The following ABCB1 variants were observed in gnomAD, a reference collection of about 807,000 sequenced individuals.
ABCB1 encodes the protein ATP-dependent translocase ABCB1.
ABCB1 carries 69 observed loss-of-function variants against 142.0 expected under a neutral mutation model. The ratio of observed to expected loss-of-function variants is 0.49; its 90% CI spans 0.40 to 0.59. The LOEUF is 0.59. ABCB1 is among the 20% of genes least tolerant of loss of function. ABCB1 has a pLI of 0.00. For missense variants in ABCB1, 1,326 were observed against 1,554.7 expected, an observed-to-expected ratio of 0.85 and a Z score of 2.47; for synonymous variants, 532 against 539.2, an observed-to-expected ratio of 0.99 and a Z score of 0.18.
intron 21 of ABCB1, among the ~76,000 whole-genome samples, chr7:87,522,563 CAT>C (rs1416223058): frequency 2.0e-5 from 3 of 152,156 alleles, no homozygotes; most frequent in Non-Finnish European, 4.4e-5. Flanking sequence ...GACAAATACT[CAT>C]GTGTATGGGT....
intron 21 of ABCB1, among the ~76,000 whole-genome samples, chr7:87,523,985 C>T (rs1312808908): frequency 6.6e-6 from 1 of 152,138 alleles, no homozygotes; most frequent in African/African-American, 2.4e-5. Flanking sequence ...CTGGTCAGAA[C>T]AGATTCTAAT....
intron 15 of ABCB1, 110 bp from the exon 16 acceptor site, chr7:87,545,109 C>A: frequency 1.1e-6 from 1 of 941,992 alleles, no homozygotes; most frequent in Non-Finnish European, 1.7e-6. Flanking sequence ...TTAGTAACTG[C>A]AGAAAAGGAT....
intron 1 of ABCB1, among the ~76,000 whole-genome samples, chr7:87,625,642 A>G (rs888412417): frequency 6.6e-6 from 1 of 152,188 alleles, no homozygotes; most frequent in Non-Finnish European, 1.5e-5. Flanking sequence ...GACTGCCTGC[A>G]TAACCAGTGC....
chr7:87,658,881 G>A (rs983555211), intron 1 of ABCB1, among the ~76,000 whole-genome samples: 3 of 152,162 alleles, frequency 2.0e-5, no homozygotes, highest in Non-Finnish European at 4.4e-5. Flanking sequence ...TAAGCAGAAA[G>A]GAAATGATAA....
At chr7:87,640,220 A>G (rs1288261360) in intron 1 of ABCB1, among the ~76,000 whole-genome samples, 1 of 150,042 alleles carries the variant, frequency 6.7e-6, no homozygotes, top group African/African-American at 2.4e-5. Context: ...TAAATCTTAC[A>G]TTATTTTATT....
At chr7:87,584,954 C>T (rs558546778) in intron 4 of ABCB1, among the ~76,000 whole-genome samples, 84 of 151,500 alleles carry the variant, frequency 5.5e-4, no homozygotes, top group African/African-American at 2.0e-3. Flanking sequence ...CTAAAATACC[C>T]CCCCACACAC....
chr7:87,520,003 C>T (rs141652872), intron 22 of ABCB1, among the ~76,000 whole-genome samples: 10 of 152,090 alleles, frequency 6.6e-5, no homozygotes, highest in East Asian at 1.9e-4. Context: ...CTAAATTCTT[C>T]GGGGGTCTCA....
intron 1 of ABCB1, chr7:87,627,512 A>G (rs1453557443): frequency 1.3e-5 from 2 of 152,216 alleles, no homozygotes; most frequent in African/African-American, 4.8e-5. Flanking sequence ...TTAGGATTGC[A>G]CTCTAAAATC....
At chr7:87,660,417 T>C (rs548008023) in intron 1 of ABCB1, among the ~76,000 whole-genome samples, 47 of 152,260 alleles carry the variant, frequency 3.1e-4, no homozygotes, top group Admixed American at 2.6e-4. Flanking sequence ...TTTCCTTTAA[T>C]GTGACACTTA....
At chr7:87,619,673 T>G (rs993379442) in intron 1 of ABCB1, among the ~76,000 whole-genome samples, 1 of 152,104 alleles carries the variant, frequency 6.6e-6, no homozygotes, top group African/African-American at 2.4e-5. Flanking sequence ...ATTGCTGCTG[T>G]CCAATTTTTG....
intron 4 of ABCB1, among the ~76,000 whole-genome samples, chr7:87,575,239 A>G (rs1311518706): frequency 2.0e-5 from 3 of 152,276 alleles, no homozygotes; most frequent in South Asian, 4.1e-4. Context: ...AATAAAAAAT[A>G]TATAACATGG....
intron 1 of ABCB1, among the ~76,000 whole-genome samples, chr7:87,627,364 GA>G (rs1431460059): frequency 6.6e-6 from 1 of 152,196 alleles, no homozygotes; most frequent in Admixed American, 6.5e-5. Context: ...AAGATACATG[GA>G]TTTTGGAGCC....
chr7:87,554,411 T>G (rs1374062278), intron 8 of ABCB1, among the ~76,000 whole-genome samples: 1 of 152,122 alleles, frequency 6.6e-6, no homozygotes, highest in Non-Finnish European at 1.5e-5. Flanking sequence ...CTCTCTGTCC[T>G]GCCTTCCTCT....
chr7:87,685,174 T>C (rs1827334275), intron 1 of ABCB1, among the ~76,000 whole-genome samples: 1 of 152,138 alleles, frequency 6.6e-6, no homozygotes, highest in Non-Finnish European at 1.5e-5. Flanking sequence ...AAAAAATATT[T>C]GCAAATCACA....
At chr7:87,582,991 T>A (rs1206571476) in intron 4 of ABCB1, among the ~76,000 whole-genome samples, 1 of 152,220 alleles carries the variant, frequency 6.6e-6, no homozygotes, top group Non-Finnish European at 1.5e-5. Context: ...TCACATCATA[T>A]AATAGGTACT....
chr7:87,585,235 T>A (rs1176284646), intron 4 of ABCB1, among the ~76,000 whole-genome samples: 3 of 152,190 alleles, frequency 2.0e-5, no homozygotes, highest in Non-Finnish European at 4.4e-5. Flanking sequence ...TCTAATTAAG[T>A]TCCTATATTT....
chr7:87,560,396 A>G (rs1817509748), intron 8 of ABCB1, among the ~76,000 whole-genome samples: 1 of 152,172 alleles, frequency 6.6e-6, no homozygotes, highest in Non-Finnish European at 1.5e-5. Context: ...TGCAATGAAT[A>G]CTCATGTAAG....
Position 87,544,288 on chromosome 7 carries a change from A to G in ABCB1, c.2065-13T>C, listed in dbSNP as rs765287452. ...GTATACTTTCATCCTAGAAAACACAAATTATTACAACAGGCTAGTTAAAAA... is the reference window on the plus strand; with the variant it reads ...GTATACTTTCATCCTAGAAAACACAGATTATTACAACAGGCTAGTTAAAAA... On this transcript the variant is annotated splice_polypyrimidine_tract_variant and intron_variant, in intron 16 of 27. Transcript: ENST00000622132. 5.0e-6 allele frequency: 8 copies of G among 1,612,098 alleles called. No homozygotes were observed. In the Admixed American group the frequency reaches 6.7e-5, roughly 13 times the overall value.
At position 87,558,873 on chromosome 7, in the gene ABCB1, A is replaced by G. The variant is rs143455988; in HGVS notation, c.827+2390T>C. Among the ~76,000 whole-genome samples, 1,051 of 152,212 alleles carry G rather than the reference A, an allele frequency of 6.9e-3. 4 individuals are homozygous for G. Among genetic ancestry groups the G allele is most frequent in the Non-Finnish European group, 0.011 (748 of 67,964 alleles). On this transcript the variant is annotated intron_variant, in intron 8 of 27. Coordinates refer to ENST00000622132, the MANE Select transcript of ABCB1 (RefSeq NM_001348946.2). ...TATTAATATGGTTAATTATATTAAT[A>G]GATTTCCTAATGTTAAAACCATCTT... is the stretch of plus-strand genomic sequence containing the variant.
Sources: allele counts gnomAD v4.1 joint callset (sites outside exome capture counted in the v4.1 genomes callset), GRCh38; gene constraint gnomAD v4.1.1; transcripts MANE v1.5; gene names NCBI Gene and HGNC (gene_info 2026-07-23, HGNC 2026-07-21).